DLGAP2: variants seen among roughly 807,000 people sequenced by gnomAD.
DLGAP2 encodes the protein DLG associated protein 2.
In DLGAP2, 26 loss-of-function variants were observed where a neutral mutation model predicts 100.3. That is an observed-to-expected ratio of 0.26 (90% CI 0.19 to 0.36). DLGAP2 has a LOEUF of 0.36. DLGAP2 is among the 10% of genes least tolerant of loss of function. The pLI is 1.00. For synonymous variants in DLGAP2, 886 were observed against 630.1 expected (o/e 1.41, Z -6.08); for missense variants, 1,858 against 1,453.2 (o/e 1.28, Z -4.53).
chr8:1,553,175 G>A (rs1008497821), intron 5 of DLGAP2, among the ~76,000 whole-genome samples: 10 of 152,044 alleles, frequency 6.6e-5, no homozygotes, highest in African/African-American at 9.7e-5. Context: ...TCCAGCCCTC[G>A]GCCTCTGTCC....
intron 2 of DLGAP2, among the ~76,000 whole-genome samples, chr8:1,141,111 G>A (rs959825181): frequency 6.6e-6 from 1 of 152,148 alleles, no homozygotes; most frequent in Non-Finnish European, 1.5e-5. Flanking sequence ...AGTAATGATG[G>A]GGAGGCCGTG....
intron 3 of DLGAP2, among the ~76,000 whole-genome samples, chr8:1,343,320 C>A (rs1200998563): frequency 2.0e-5 from 3 of 152,198 alleles, no homozygotes. Flanking sequence ...ACAGGCAGTG[C>A]TTAATGTCCC....
At chr8:817,140 C>CA (rs35157533) in intron 1 of DLGAP2, among the ~76,000 whole-genome samples, 6 of 115,076 alleles carry the variant, frequency 5.2e-5, no homozygotes, top group African/African-American at 1.0e-4. Flanking sequence ...GACTCCGTCT[C>CA]AAAAAAAAAA....
At chr8:1,367,343 C>G (rs1802131992) in intron 3 of DLGAP2, among the ~76,000 whole-genome samples, 2 of 152,178 alleles carry the variant, frequency 1.3e-5, no homozygotes, top group South Asian at 2.1e-4. Flanking sequence ...CTTTTCATCT[C>G]AAACCTTTTA....
At chr8:908,566 G>C (rs1471219862) in intron 2 of DLGAP2, among the ~76,000 whole-genome samples, 1 of 152,076 alleles carries the variant, frequency 6.6e-6, no homozygotes, top group African/African-American at 2.4e-5. Context: ...ACATGACGGA[G>C]AAAAAGAAGG....
chr8:911,341 A>G (rs143368507), intron 2 of DLGAP2, among the ~76,000 whole-genome samples: 20 of 151,288 alleles, frequency 1.3e-4, no homozygotes, highest in African/African-American at 4.4e-4. Context: ...GGACGCATGT[A>G]TAACGTACAT....
intron 2 of DLGAP2, among the ~76,000 whole-genome samples, chr8:1,237,632 CCGTGTCTAGTTCTCTCTCACACATAGCGT>C: frequency 6.8e-5 from 10 of 146,392 alleles, no homozygotes; most frequent in Non-Finnish European, 1.2e-4. Flanking sequence ...TCACATGGTG[CCGTGTCTAGTTCTCTCTCACACATAGCGT>C]CATGTCTAGT....
At chr8:1,136,711 G>T (rs1039667209) in intron 2 of DLGAP2, among the ~76,000 whole-genome samples, 1 of 152,206 alleles carries the variant, frequency 6.6e-6, no homozygotes, top group African/African-American at 2.4e-5. Flanking sequence ...AGAGAGTGAG[G>T]AACCACCCGA....
intron 3 of DLGAP2, among the ~76,000 whole-genome samples, chr8:1,344,116 C>CCGGGCCCTGTCGTGGGTCCGTGTACTT (rs1563094955): frequency 2.3e-4 from 13 of 57,262 alleles, no homozygotes; most frequent in Non-Finnish European, 3.4e-4. Flanking sequence ...TCCATGTATT[C>CCGGGCCCTGTCGTGGGTCCGTGTACTT]GGGGCCCTGT....
intron 3 of DLGAP2, among the ~76,000 whole-genome samples, chr8:1,430,439 A>G (rs944040969): frequency 2.0e-5 from 3 of 152,166 alleles, no homozygotes; most frequent in Non-Finnish European, 4.4e-5. Flanking sequence ...GTTTGATCAA[A>G]TCACATTAGG....
At chr8:1,169,610 C>T (rs530403035) in intron 2 of DLGAP2, among the ~76,000 whole-genome samples, 49 of 152,264 alleles carry the variant, frequency 3.2e-4, no homozygotes, top group African/African-American at 1.1e-3. Context: ...CCCTTGTAAG[C>T]TGCATTCCTA....
rs112765363 is a variant in DLGAP2 at position 1,691,796 on chromosome 8, C to A, written c.2796+170C>A. ...GCCCTGGGGAAAGAGACGATTCGGC[C>A]CTGGTTTAAACGCGGTACCGAGGCA... is the stretch of plus-strand genomic sequence containing the variant. On this transcript the variant is annotated intron_variant, in intron 13 of 14. Transcript: ENST00000637795. 2.8e-3 allele frequency among the ~76,000 whole-genome samples: 425 copies of A among 152,056 alleles called. 2 individuals are homozygous for A. The highest frequency in any genetic ancestry group is 9.7e-3 in the African/African-American group (404 of 41,462).
intron 3 of DLGAP2, among the ~76,000 whole-genome samples, chr8:1,294,403 C>T (rs1377891607): frequency 6.6e-6 from 1 of 152,254 alleles, no homozygotes; most frequent in East Asian, 1.9e-4. Flanking sequence ...TTTGGTGTCT[C>T]CTGTTTGAGG....
chr8:1,147,133 C>T (rs761619393), intron 2 of DLGAP2, among the ~76,000 whole-genome samples: 42 of 152,290 alleles, frequency 2.8e-4, no homozygotes, highest in Non-Finnish European at 5.0e-4. Context: ...GTAGTTTCTT[C>T]CATTTCTTTG....
At chr8:1,136,063 T>C (rs989041556) in intron 2 of DLGAP2, among the ~76,000 whole-genome samples, 2 of 152,168 alleles carry the variant, frequency 1.3e-5, no homozygotes, top group Admixed American at 1.3e-4. Context: ...TTTCCCAACC[T>C]GCTCATGAAA....
chr8:826,660 T>G (rs1049299207), intron 1 of DLGAP2, among the ~76,000 whole-genome samples: 1 of 152,028 alleles, frequency 6.6e-6, no homozygotes, highest in Non-Finnish European at 1.5e-5. Flanking sequence ...GTCTCGAGGG[T>G]CCCGCGCCCC....
chr8:1,446,009 A>T (rs1408891560), intron 3 of DLGAP2, among the ~76,000 whole-genome samples: 1 of 151,776 alleles, frequency 6.6e-6, no homozygotes, highest in Non-Finnish European at 1.5e-5. Flanking sequence ...TCAGATGAGT[A>T]GGTTGCAAAA....
intron 3 of DLGAP2, among the ~76,000 whole-genome samples, chr8:1,267,137 C>T (rs1426511802): frequency 2.0e-5 from 3 of 151,714 alleles, no homozygotes; most frequent in East Asian, 1.9e-4. Context: ...GAGACTGAGG[C>T]AGGAGAATGG....
intron 4 of DLGAP2, among the ~76,000 whole-genome samples, chr8:1,510,132 G>C (rs188932955): frequency 1.3e-5 from 2 of 152,334 alleles, no homozygotes; most frequent in Non-Finnish European, 2.9e-5. Context: ...TTACAAGCAC[G>C]CTCCCGTGCA....
Sources: allele counts gnomAD v4.1 joint callset (sites outside exome capture counted in the v4.1 genomes callset), GRCh38; gene constraint gnomAD v4.1.1; transcripts MANE v1.5; gene names NCBI Gene and HGNC (gene_info 2026-07-23, HGNC 2026-07-21).